Variants in CTNNA2 observed in about 807,000 individuals in gnomAD.
CTNNA2 encodes catenin alpha-2.
In CTNNA2, 42 loss-of-function variants were observed where a neutral mutation model predicts 101.0. The ratio of observed to expected loss-of-function variants is 0.42; its 90% CI spans 0.32 to 0.54. CTNNA2 has a LOEUF of 0.54. Among genes scored for constraint, CTNNA2 ranks in the 20% least tolerant of loss-of-function variants. CTNNA2 has a pLI of 0.14. For missense variants in CTNNA2, 871 were observed against 1,223.1 expected (o/e 0.71, Z 4.29); for synonymous variants, 450 against 456.4 (o/e 0.99, Z 0.18).
chr2:79,368,116 A>G (rs1677790268), intron 3 of CTNNA2, among the ~76,000 whole-genome samples: 1 of 152,186 alleles, frequency 6.6e-6, no homozygotes, highest in African/African-American at 2.4e-5. Flanking sequence ...GACATAGAAG[A>G]CTGAAAAAGT....
At chr2:79,234,683 CT>C (rs1187011570) in intron 2 of CTNNA2, among the ~76,000 whole-genome samples, 1 of 152,120 alleles carries the variant, frequency 6.6e-6, no homozygotes, top group African/African-American at 2.4e-5. Flanking sequence ...GTAGATTTAA[CT>C]TTTTTACATA....
intron 4 of CTNNA2, among the ~76,000 whole-genome samples, chr2:79,496,025 G>T (rs1671252368): frequency 6.6e-6 from 1 of 152,056 alleles, no homozygotes; most frequent in African/African-American, 2.4e-5. Context: ...ACTGCTAATG[G>T]GTACAGAATG....
At chr2:79,768,448 G>A (rs1673322023) in intron 3 of CTNNA2, among the ~76,000 whole-genome samples, 1 of 151,594 alleles carries the variant, frequency 6.6e-6, no homozygotes, top group Non-Finnish European at 1.5e-5. Context: ...TCTCTATATA[G>A]ATAGTTGTTA....
intron 1 of CTNNA2, among the ~76,000 whole-genome samples, chr2:79,611,436 A>T (rs1019963638): frequency 6.6e-6 from 1 of 152,156 alleles, no homozygotes; most frequent in Non-Finnish European, 1.5e-5. Flanking sequence ...AAAAAGAGAG[A>T]CACAGTTCCC....
intron 13 of CTNNA2, among the ~76,000 whole-genome samples, chr2:80,577,414 G>A (rs531426269): frequency 2.6e-5 from 4 of 152,220 alleles, no homozygotes; most frequent in Admixed American, 6.5e-5. Flanking sequence ...GCATGTTTCC[G>A]GCGGAGGAAA....
intron 4 of CTNNA2, among the ~76,000 whole-genome samples, chr2:79,455,623 A>C (rs1212210785): frequency 1.3e-5 from 2 of 152,228 alleles, no homozygotes; most frequent in African/African-American, 4.8e-5. Context: ...ATGCTCTTCA[A>C]AAAACCTGGT....
chr2:80,337,138 G>A (rs1225296834), intron 7 of CTNNA2, among the ~76,000 whole-genome samples: 3 of 152,086 alleles, frequency 2.0e-5, no homozygotes, highest in Non-Finnish European at 4.4e-5. Flanking sequence ...GGCAGATCAC[G>A]AGGTCAGGAG....
intron 7 of CTNNA2, among the ~76,000 whole-genome samples, chr2:80,000,478 A>G (rs1692867863): frequency 6.6e-6 from 1 of 152,140 alleles, no homozygotes; most frequent in Non-Finnish European, 1.5e-5. Flanking sequence ...CACCCTTTTA[A>G]TATTTAGGGA....
intron 7 of CTNNA2, among the ~76,000 whole-genome samples, chr2:79,980,156 G>A (rs1485367262): frequency 6.6e-6 from 1 of 152,034 alleles, no homozygotes; most frequent in Non-Finnish European, 1.5e-5. Context: ...AGTAACTCTT[G>A]TTGTTCTATG....
At chr2:80,531,981 A>T in intron 9 of CTNNA2, among the ~76,000 whole-genome samples, 1 of 152,216 alleles carries the variant, frequency 6.6e-6, no homozygotes, top group East Asian at 1.9e-4. Flanking sequence ...CAACTACCCA[A>T]ATCTGCCATT....
intron 1 of CTNNA2, among the ~76,000 whole-genome samples, chr2:79,637,159 T>G (rs1680128983): frequency 6.6e-6 from 1 of 152,108 alleles, no homozygotes; most frequent in Admixed American, 6.6e-5. Flanking sequence ...GAATGTCAAG[T>G]GAGGAGTAGG....
chr2:80,647,835 A>G lies in CTNNA2; in HGVS notation c.2825A>G (p.Gln942Arg). 1 of 1,611,512 alleles carries G rather than the reference A, an allele frequency of 6.2e-7. No homozygotes were observed. The highest frequency in any genetic ancestry group is 8.5e-7 in the Non-Finnish European group (1 of 1,178,262). Residue 942 changes from glutamine (Q) to arginine (R), a missense_variant, in exon 19 of 19, where the codon CAG (glutamine) becomes CGG (arginine). Physicochemically the swap from Gln to Arg is conservative, Grantham distance 43. This residue lies in a region of CTNNA2 where 41 missense variants were observed against 45.1 expected (regional missense o/e 0.91). Transcript: ENST00000402739. ...CAGAAGAAACACATTTCGCCTGTAC[A>G]GGCTTTAAGTGAATTCAAAGCAATG... ...GSQKKHISPVQALSEFKAMDS... is the reference protein window; with the variant it reads ...GSQKKHISPVRALSEFKAMDS...
At chr2:79,484,154 G>A (rs2104558633) in intron 4 of CTNNA2, among the ~76,000 whole-genome samples, 1 of 152,176 alleles carries the variant, frequency 6.6e-6, no homozygotes, top group South Asian at 2.1e-4. Context: ...GGTAGGAAGA[G>A]CACCTGAGCC....
At chr2:80,273,708 A>G (rs1673675868) in intron 7 of CTNNA2, among the ~76,000 whole-genome samples, 1 of 152,016 alleles carries the variant, frequency 6.6e-6, no homozygotes, top group East Asian at 1.9e-4. Flanking sequence ...GGAGCTTTGC[A>G]ATAGTCTCCT....
chr2:80,216,408 TAAC>T (rs960472705), intron 7 of CTNNA2, among the ~76,000 whole-genome samples: 2 of 152,162 alleles, frequency 1.3e-5, no homozygotes, highest in Non-Finnish European at 2.9e-5. Flanking sequence ...ATATGGAAAA[TAAC>T]AATAATAATA....
intron 7 of CTNNA2, among the ~76,000 whole-genome samples, chr2:80,227,181 G>T (rs1708935462): frequency 6.6e-6 from 1 of 152,140 alleles, no homozygotes; most frequent in South Asian, 2.1e-4. Context: ...ATAAATTAGT[G>T]TATTTTTGCC....
chr2:79,332,004 A>G (rs1470732753), intron 3 of CTNNA2, among the ~76,000 whole-genome samples: 1 of 152,052 alleles, frequency 6.6e-6, no homozygotes, highest in African/African-American at 2.4e-5. Context: ...ATGTCATGAC[A>G]TATATCAGCT....
chr2:80,442,387 G>A (rs1049360296), intron 9 of CTNNA2, among the ~76,000 whole-genome samples: 16 of 152,202 alleles, frequency 1.1e-4, no homozygotes, highest in African/African-American at 3.4e-4. Context: ...TGCCAGGAAC[G>A]CAGGACCATA....
chr2:80,644,136 T>G (rs770721136), intron 18 of CTNNA2, among the ~76,000 whole-genome samples: 4 of 152,200 alleles, frequency 2.6e-5, no homozygotes, highest in East Asian at 3.9e-4. Context: ...TGGAGAGAGA[T>G]AGTAGTGGTC....
Sources: gnomAD v4.1 joint callset for allele counts (sites outside exome capture counted in the v4.1 genomes callset) on GRCh38, gnomAD v4.1.1 for gene constraint, gnomAD v4.1.1 regional missense constraint, MANE v1.5 for transcripts, NCBI Gene and HGNC (gene_info 2026-07-23, HGNC 2026-07-21) for gene names.